The following IFT43 variants were observed in gnomAD, a reference collection of about 807,000 sequenced individuals.
The protein encoded by IFT43 is intraflagellar transport protein 43 homolog.
A neutral mutation model predicts 32.3 loss-of-function variants in IFT43; 33 were observed. The ratio of observed to expected loss-of-function variants is 1.02; its 90% confidence interval spans 0.77 to 1.37. IFT43 has a LOEUF of 1.37. Among genes scored for constraint, IFT43 ranks in the 40% most tolerant of loss-of-function variants. The probability of loss-of-function intolerance (pLI) is 0.00; values close to 1 mark genes in which losing one functional copy is unlikely to be tolerated. For missense variants in IFT43, 274 were observed against 265.9 expected (o/e 1.03, Z -0.21); for synonymous variants, 93 against 98.2 (o/e 0.95, Z 0.31).
chr14:76,041,161 G>A (rs76622918), intron 3 of IFT43, among the ~76,000 whole-genome samples: 2,939 of 152,324 alleles, frequency 0.019, 58 homozygotes, highest in African/African-American at 0.047. Context: ...GTTCTAGAAT[G>A]GGTTCTCAGG....
intron 2 of IFT43, among the ~76,000 whole-genome samples, chr14:76,001,425 C>T (rs779167802): frequency 6.6e-6 from 1 of 152,192 alleles, no homozygotes; most frequent in Non-Finnish European, 1.5e-5. Context: ...CCCTCGCTAT[C>T]TAGAATTCTC....
intron 2 of IFT43, among the ~76,000 whole-genome samples, chr14:76,002,747 A>C (rs1364905898): frequency 6.6e-6 from 1 of 152,268 alleles, no homozygotes; most frequent in African/African-American, 2.4e-5. Flanking sequence ...AAGTGTTTTC[A>C]TAATAATTTG....
chr14:76,005,203 TG>T (rs2035959540), intron 2 of IFT43, among the ~76,000 whole-genome samples: 1 of 152,252 alleles, frequency 6.6e-6, no homozygotes, highest in Non-Finnish European at 1.5e-5. Flanking sequence ...TACCTTCCTC[TG>T]AAAAGTGTTT....
chr14:75,987,194 C>T (rs973916247), intron 1 of IFT43, among the ~76,000 whole-genome samples: 16 of 152,122 alleles, frequency 1.1e-4, no homozygotes, highest in African/African-American at 3.4e-4. Context: ...TTAGCACAAC[C>T]GCCATATGTA....
At chr14:76,021,272 T>A (rs1054640685) in intron 2 of IFT43, among the ~76,000 whole-genome samples, 1 of 152,010 alleles carries the variant, frequency 6.6e-6, no homozygotes, top group Non-Finnish European at 1.5e-5. Context: ...GTGGCAGGGG[T>A]TGGTGTAGGC....
chr14:76,060,889 C>CCCCTT (rs1414048201), intron 5 of IFT43, among the ~76,000 whole-genome samples: 1 of 144,550 alleles, frequency 6.9e-6, no homozygotes, highest in Non-Finnish European at 1.5e-5. Flanking sequence ...GCTCTCCCCT[C>CCCCTT]CCCTCTCTTT....
At position 76,022,338 on chromosome 14, in the gene IFT43, T is replaced by C; in HGVS notation, c.159T>C (p.Ala53=). 6.2e-7 allele frequency: 1 copy of C among 1,613,562 alleles called. No homozygotes were observed. The highest frequency in any genetic ancestry group is 8.5e-7 in the Non-Finnish European group (1 of 1,179,512). ...CTCTTTCCTTGTAGACTTCCTCTGC[T>C]AAATTACCTCGCTGCCGACAGGGAG... ...SLTLTGETSS[A]KLPRCRQGGW... is the part of the protein sequence containing the mutation. Residue 53 remains alanine (A), a synonymous_variant, in exon 3 of 9, where the codon GCT becomes GCC. Transcript: ENST00000314067.
chr14:76,056,621 G>A (rs1302494069), intron 3 of IFT43, among the ~76,000 whole-genome samples: 1 of 152,214 alleles, frequency 6.6e-6, no homozygotes, highest in Non-Finnish European at 1.5e-5. Context: ...CAACGAAGGC[G>A]CCAGCCTTCC....
intron 3 of IFT43, among the ~76,000 whole-genome samples, chr14:76,037,307 A>C (rs1025756985): frequency 6.6e-6 from 1 of 152,138 alleles, no homozygotes; most frequent in Non-Finnish European, 1.5e-5. Flanking sequence ...CGGTCATTCC[A>C]CTTTCAGCCT....
intron 2 of IFT43, among the ~76,000 whole-genome samples, chr14:76,002,320 G>C (rs905623694): frequency 3.3e-5 from 5 of 151,516 alleles, no homozygotes; most frequent in African/African-American, 4.9e-5. Context: ...CCCAAGTTTA[G>C]AGGGGACATT....
intron 2 of IFT43, among the ~76,000 whole-genome samples, chr14:76,018,767 C>T (rs1416396606): frequency 6.6e-6 from 1 of 152,034 alleles, no homozygotes; most frequent in East Asian, 1.9e-4. Flanking sequence ...TATTGATCCC[C>T]TTATCATTAT....
chr14:76,015,275 TTCCC>T (rs1259945843), intron 2 of IFT43, among the ~76,000 whole-genome samples: 1 of 152,206 alleles, frequency 6.6e-6, no homozygotes, highest in African/African-American at 2.4e-5. Context: ...TGTAAGGACT[TTCCC>T]TCAGGAGATA....
At chr14:75,986,154 G>T (rs1399468422) in intron 1 of IFT43, 4 of 1,358,898 alleles carry the variant, frequency 2.9e-6, no homozygotes, top group African/African-American at 2.9e-5. Flanking sequence ...CCCCAGAACA[G>T]ATCGATCACA....
At chr14:76,033,638 G>A (rs948325254) in intron 3 of IFT43, among the ~76,000 whole-genome samples, 2 of 152,132 alleles carry the variant, frequency 1.3e-5, no homozygotes, top group Non-Finnish European at 2.9e-5. Flanking sequence ...GGCTGATGAG[G>A]GGTAAGAGAG....
chr14:76,014,714 G>A (rs563401287), intron 2 of IFT43, among the ~76,000 whole-genome samples: 5 of 152,072 alleles, frequency 3.3e-5, no homozygotes, highest in Non-Finnish European at 7.4e-5. Flanking sequence ...TTAGCTTTTA[G>A]ACATATATTG....
rs536027245 is a variant in IFT43 at position 76,082,606 on chromosome 14, CT to C, written c.369-8del. ...CTGGGGTTCCCGCCTCTCGCTCTCTCTTTCCTTCAGCATCCAGATAAAGCGG... is the reference window on the plus strand; with the variant it reads ...CTGGGGTTCCCGCCTCTCGCTCTCTCTTCCTTCAGCATCCAGATAAAGCGG... On this transcript the variant is annotated splice_polypyrimidine_tract_variant and intron_variant, in intron 6 of 8. Transcript: ENST00000314067. 640 of 1,614,220 alleles carry C rather than the reference CT, an allele frequency of 4.0e-4. 10 individuals are homozygous for C. The South Asian group carries it at 6.6e-3, about 17-fold the overall frequency.
At chr14:76,022,472 T>A (rs2036311522) in intron 3 of IFT43, 78 bp downstream of exon 3, 1 of 833,050 alleles carries the variant, frequency 1.2e-6, no homozygotes, top group Non-Finnish European at 2.0e-6. Flanking sequence ...TTGTTTTATT[T>A]TTTACAATAG....
chr14:76,029,156 C>G (rs1371169739), intron 3 of IFT43, among the ~76,000 whole-genome samples: 3 of 151,926 alleles, frequency 2.0e-5, no homozygotes, highest in Non-Finnish European at 2.9e-5. Flanking sequence ...TTAACAATAG[C>G]CATTCTGACA....
chr14:76,011,228 G>A (rs1289326854), intron 2 of IFT43, among the ~76,000 whole-genome samples: 3 of 152,058 alleles, frequency 2.0e-5, no homozygotes, highest in East Asian at 1.9e-4. Context: ...TCTTTTTAAC[G>A]GCATTGACAC....
Sources: allele counts gnomAD v4.1 joint callset (sites outside exome capture counted in the v4.1 genomes callset), GRCh38; gene constraint gnomAD v4.1.1; transcripts MANE v1.5; gene names NCBI Gene and HGNC (gene_info 2026-07-23, HGNC 2026-07-21).